Variants in PRKN observed in about 807,000 individuals in gnomAD.
PRKN encodes the protein E3 ubiquitin-protein ligase parkin.
Under a neutral mutation model 59.5 loss-of-function variants are expected in PRKN, and 56 were observed. That is an observed-to-expected ratio of 0.94 (90% confidence interval 0.76 to 1.18). The LOEUF is 1.18. PRKN is among the 50% of genes most tolerant of loss of function. PRKN has a pLI of 0.00. For missense variants in PRKN, 657 were observed against 596.4 expected (o/e 1.10, Z -1.06); for synonymous variants, 250 against 222.1 (o/e 1.13, Z -1.12).
intron 1 of PRKN, among the ~76,000 whole-genome samples, chr6:162,712,973 A>G (rs573516268): frequency 6.4e-4 from 98 of 152,326 alleles, no homozygotes; most frequent in African/African-American, 2.3e-3. Context: ...CCACCACTTC[A>G]CCACACTAGA....
intron 6 of PRKN, among the ~76,000 whole-genome samples, chr6:161,795,244 C>G (rs200682752): frequency 3.8e-4 from 27 of 71,988 alleles, no homozygotes; most frequent in Middle Eastern, 9.6e-3. Context: ...TTTTTTTTTT[C>G]TTTTCTGAGA....
intron 5 of PRKN, among the ~76,000 whole-genome samples, chr6:162,014,923 C>T (rs1288214608): frequency 1.3e-5 from 2 of 152,120 alleles, no homozygotes; most frequent in African/African-American, 2.4e-5. Context: ...TGTACTCTCC[C>T]GGTTTAGGCA....
intron 4 of PRKN, among the ~76,000 whole-genome samples, chr6:162,159,330 A>G (rs1265647468): frequency 6.6e-6 from 1 of 152,188 alleles, no homozygotes; most frequent in African/African-American, 2.4e-5. Context: ...GCTTTTCTAT[A>G]TATTAGCAAC....
intron 5 of PRKN, among the ~76,000 whole-genome samples, chr6:162,015,474 A>T (rs1172975873): frequency 6.6e-6 from 1 of 152,132 alleles, no homozygotes; most frequent in Non-Finnish European, 1.5e-5. Context: ...GGGCTGTAAT[A>T]TTCTCCCGTT....
At chr6:161,944,596 C>G (rs1466305013) in intron 6 of PRKN, among the ~76,000 whole-genome samples, 1 of 152,144 alleles carries the variant, frequency 6.6e-6, no homozygotes, top group Non-Finnish European at 1.5e-5. Flanking sequence ...AGTCTCTGAG[C>G]CTGCAGACTG....
intron 1 of PRKN, among the ~76,000 whole-genome samples, chr6:162,550,937 G>C (rs138079739): frequency 1.3e-5 from 2 of 152,264 alleles, no homozygotes; most frequent in Non-Finnish European, 2.9e-5. Flanking sequence ...GCTGGTGGCT[G>C]CTCATATCCT....
Position 161,414,181 on chromosome 6 carries a change from C to T in PRKN, c.1084-27304G>A, listed in dbSNP as rs1787728876. ...AACAAGGTGGAAACTCGACACTATG[C>T]TCTCAATCTCCATGCACAATTTTGC... On this transcript the variant is annotated intron_variant, in intron 9 of 11. Coordinates refer to ENST00000366898, the MANE Select transcript of PRKN (RefSeq NM_004562.3). The surrounding 1 kb of genome is among the most constrained non-coding windows in gnomAD (Gnocchi z 5.3). Among the ~76,000 whole-genome samples the T allele has an allele frequency of 6.6e-6, 1 of 151,948 alleles. No homozygotes were observed. Among genetic ancestry groups the T allele is most frequent in the Non-Finnish European group, 1.5e-5 (1 of 67,966 alleles).
rs1425155753 is a variant in PRKN at position 161,471,810 on chromosome 6, A to T, written c.1083+77044T>A. Among the ~76,000 whole-genome samples, 1 of 152,230 alleles carries T rather than the reference A, an allele frequency of 6.6e-6. No individual in the cohort carries two copies. Among genetic ancestry groups the T allele is most frequent in the East Asian group, 1.9e-4 (1 of 5,208 alleles). On this transcript the variant is annotated intron_variant, in intron 9 of 11. Transcript: ENST00000366898. The surrounding 1 kb of genome is among the most constrained non-coding windows in gnomAD (Gnocchi z 4.5). The stretch of plus-strand genomic sequence containing the variant: ...TGTGTCATAAAGATAATTAACATAC[A>T]ATAAATGCATCTATGAAAGATTAAA...
chr6:162,425,493 A>G (rs1789192672), intron 2 of PRKN, among the ~76,000 whole-genome samples: 1 of 152,230 alleles, frequency 6.6e-6, no homozygotes, highest in Non-Finnish European at 1.5e-5. Flanking sequence ...ACTTAATGGA[A>G]GAACATTGAA....
chr6:161,636,241 C>T (rs975240659), intron 7 of PRKN, among the ~76,000 whole-genome samples: 1 of 152,256 alleles, frequency 6.6e-6, no homozygotes. Context: ...ACTGCCCCTG[C>T]TCTATCCACA....
intron 1 of PRKN, among the ~76,000 whole-genome samples, chr6:162,527,940 A>G (rs1213625224): frequency 6.6e-6 from 1 of 151,788 alleles, no homozygotes; most frequent in East Asian, 1.9e-4. Context: ...TCCACCACCA[A>G]TCTCAGAGGC....
At chr6:162,473,586 T>G in intron 1 of PRKN, among the ~76,000 whole-genome samples, 1 of 152,306 alleles carries the variant, frequency 6.6e-6, no homozygotes, top group Admixed American at 6.5e-5. Context: ...TTTTAATATT[T>G]TATGTAGATG....
intron 6 of PRKN, among the ~76,000 whole-genome samples, chr6:161,885,135 TAA>T (rs66612910): frequency 4.6e-4 from 56 of 121,734 alleles, no homozygotes; most frequent in Admixed American, 7.2e-4. Context: ...GAAGAAAAAC[TAA>T]AAAAAAAAAA....
At chr6:161,412,000 C>T (rs568306272) in intron 9 of PRKN, among the ~76,000 whole-genome samples, 1 of 148,048 alleles carries the variant, frequency 6.8e-6, no homozygotes, top group Non-Finnish European at 1.5e-5. Flanking sequence ...TCCTTCCTCA[C>T]TCATTCCTCC....
chr6:161,800,123 G>A (rs1791018324), intron 6 of PRKN, among the ~76,000 whole-genome samples: 1 of 152,108 alleles, frequency 6.6e-6, no homozygotes, highest in Non-Finnish European at 1.5e-5. Flanking sequence ...CTAACTTGAG[G>A]TAACGAATGG....
At chr6:162,450,033 T>C (rs965867751) in intron 1 of PRKN, among the ~76,000 whole-genome samples, 2 of 152,212 alleles carry the variant, frequency 1.3e-5, no homozygotes, top group Non-Finnish European at 2.9e-5. Context: ...ACAGTTTTTC[T>C]GGCTGAAGAA....
chr6:161,842,828 G>A (rs192240723), intron 6 of PRKN, among the ~76,000 whole-genome samples: 3 of 152,074 alleles, frequency 2.0e-5, no homozygotes, highest in Non-Finnish European at 2.9e-5. Context: ...GATTACAGGC[G>A]TGAGCCACTG....
rs529944354 is a variant in PRKN at position 161,579,042 on chromosome 6, A to G, written c.872-9626T>C. Among the ~76,000 whole-genome samples the G allele has an allele frequency of 3.9e-5, 6 of 152,328 alleles. No individual in the cohort carries two copies. The highest frequency in any genetic ancestry group is 1.4e-4 in the African/African-American group (6 of 41,592). On this transcript the variant is annotated intron_variant, in intron 7 of 11. Transcript: ENST00000366898. The surrounding 1 kb of genome is among the most constrained non-coding windows in gnomAD (Gnocchi z 4.2). ...GTCAACACATGAGTGGCCACTGGGA[A>G]TGGGAGGCTCTCAGAGTGAAAAGGG...
intron 1 of PRKN, among the ~76,000 whole-genome samples, chr6:162,447,917 G>A (rs955907419): frequency 7.2e-5 from 11 of 152,178 alleles, no homozygotes; most frequent in Non-Finnish European, 1.3e-4. Flanking sequence ...CAGAATACAG[G>A]TGACATAAGG....
Sources: gnomAD v4.1 joint callset for allele counts (sites outside exome capture counted in the v4.1 genomes callset) on GRCh38, gnomAD v4.1.1 for gene constraint, Gnocchi (gnomAD v3.1) non-coding constraint, MANE v1.5 for transcripts, NCBI Gene and HGNC (gene_info 2026-07-23, HGNC 2026-07-21) for gene names.